Variants in NKAIN2 observed in about 807,000 individuals in gnomAD.
NKAIN2 encodes the protein sodium/potassium transporting ATPase interacting 2, also known as sodium/potassium-transporting ATPase subunit beta-1-interacting protein 2.
Under a neutral mutation model 32.6 loss-of-function variants are expected in NKAIN2, and 14 were observed. The observed-to-expected ratio is 0.43, with a 90% CI of 0.28 to 0.67. The LOEUF (loss-of-function observed/expected upper bound fraction) is 0.67. NKAIN2 is among the 30% of genes least tolerant of loss of function. The probability of loss-of-function intolerance (pLI) is 0.17; values close to 1 mark genes in which losing one functional copy is unlikely to be tolerated. For synonymous variants in NKAIN2, 80 were observed against 87.2 expected, an observed-to-expected ratio of 0.92 and a Z score of 0.46; for missense variants, 198 against 258.3, an observed-to-expected ratio of 0.77 and a Z score of 1.60.
intron 4 of NKAIN2, among the ~76,000 whole-genome samples, chr6:124,673,466 G>A (rs1773201811): frequency 6.6e-6 from 1 of 151,974 alleles, no homozygotes; most frequent in South Asian, 2.1e-4. Flanking sequence ...ACTGTATACT[G>A]TTACACCATT....
rs116609354 is a variant in NKAIN2, at chr6:124,209,648, T to C, written c.55-73357T>C. On this transcript the variant is annotated intron_variant, in intron 1 of 6. Coordinates refer to ENST00000368417, the MANE Select transcript of NKAIN2 (RefSeq NM_001040214.3). ...TGTTTGGCTTTTGGACAAAACCTAT[T>C]TTAACAATGGTAAGATGATCTCACA... 1.9e-3 allele frequency among the ~76,000 whole-genome samples: 283 copies of C among 152,022 alleles called. 3 individuals carry two copies. Among genetic ancestry groups the C allele is most frequent in the African/African-American group, 6.6e-3 (274 of 41,526 alleles).
At chr6:124,087,051 A>T (rs542759440) in intron 1 of NKAIN2, among the ~76,000 whole-genome samples, 1 of 152,074 alleles carries the variant, frequency 6.6e-6, no homozygotes, top group South Asian at 2.1e-4. Flanking sequence ...GAATCCAATA[A>T]TATATTTTAA....
intron 4 of NKAIN2, among the ~76,000 whole-genome samples, chr6:124,707,151 C>A (rs369815647): frequency 2.0e-5 from 3 of 151,960 alleles, no homozygotes; most frequent in African/African-American, 7.3e-5. Context: ...TCATCCATGT[C>A]CCTACAAAGG....
At chr6:124,303,003 C>T (rs1302747161) in intron 2 of NKAIN2, among the ~76,000 whole-genome samples, 2 of 152,158 alleles carry the variant, frequency 1.3e-5, no homozygotes, top group African/African-American at 4.8e-5. Context: ...TTTATGTAGA[C>T]ATATTTTGGC....
At chr6:124,267,180 T>G (rs1431318421) in intron 1 of NKAIN2, among the ~76,000 whole-genome samples, 1 of 152,190 alleles carries the variant, frequency 6.6e-6, no homozygotes, top group African/African-American at 2.4e-5. Flanking sequence ...CTGCTGAGAT[T>G]GTCAAGCAAG....
intron 2 of NKAIN2, among the ~76,000 whole-genome samples, chr6:124,286,819 C>G (rs751172662): frequency 3.3e-4 from 50 of 151,988 alleles, no homozygotes; most frequent in Non-Finnish European, 6.6e-4. Context: ...GTAGCTGGGA[C>G]TACAGGCGTG....
At chr6:124,618,057 A>G (rs1212494943) in intron 3 of NKAIN2, among the ~76,000 whole-genome samples, 5 of 152,250 alleles carry the variant, frequency 3.3e-5, no homozygotes, top group South Asian at 2.1e-4. Flanking sequence ...GTTTAATACA[A>G]TGCAATTTCT....
At chr6:124,687,428 T>TATGTGTATGTATGGAATATATATATTCC (rs1225238437) in intron 4 of NKAIN2, among the ~76,000 whole-genome samples, 1,749 of 8,428 alleles carry the variant, frequency 0.21, 82 homozygotes, top group African/African-American at 0.29. Context: ...ATATTCCATG[T>TATGTGTATGTATGGAATATATATATTCC]ATACCATATA....
At chr6:124,256,060 G>A (rs1793915103) in intron 1 of NKAIN2, among the ~76,000 whole-genome samples, 1 of 152,108 alleles carries the variant, frequency 6.6e-6, no homozygotes. Context: ...CTCTTACAAG[G>A]GAAATTACTC....
chr6:124,645,187 T>C (rs1784125194), intron 3 of NKAIN2, among the ~76,000 whole-genome samples: 1 of 152,220 alleles, frequency 6.6e-6, no homozygotes, highest in East Asian at 1.9e-4. Context: ...CCCAAAAACT[T>C]ATGAACATGC....
intron 4 of NKAIN2, among the ~76,000 whole-genome samples, chr6:124,705,278 G>A (rs1262003700): frequency 6.6e-6 from 1 of 152,080 alleles, no homozygotes; most frequent in East Asian, 1.9e-4. Context: ...GCAAGCTGAG[G>A]CCTGTGAAAA....
intron 1 of NKAIN2, among the ~76,000 whole-genome samples, chr6:124,011,748 C>T (rs1780340199): frequency 6.6e-6 from 1 of 152,144 alleles, no homozygotes; most frequent in Non-Finnish European, 1.5e-5. Context: ...GCCTTTGTAG[C>T]TTAGGCCTAC....
At chr6:124,655,048 C>T (rs553933403) in intron 3 of NKAIN2, among the ~76,000 whole-genome samples, 9 of 152,170 alleles carry the variant, frequency 5.9e-5, no homozygotes, top group Admixed American at 5.2e-4. Context: ...CAGCATAATT[C>T]GCTGCCAGTA....
intron 2 of NKAIN2, among the ~76,000 whole-genome samples, chr6:124,340,159 G>T (rs1267329655): frequency 2.6e-5 from 4 of 152,116 alleles, no homozygotes; most frequent in Non-Finnish European, 5.9e-5. Flanking sequence ...TTTATATTTT[G>T]ATGCCACTTC....
chr6:124,763,173 T>C lies in NKAIN2; in HGVS notation c.475-28166T>C, dbSNP rs571414626. ...ATTGGGGAGCTGTTTAGCCAAAACA[T>C]TCAAACTTTTAGTTAGACAGAAGGA... On this transcript the variant is annotated intron_variant, in intron 4 of 6. Transcript: ENST00000368417. 1.5e-4 allele frequency among the ~76,000 whole-genome samples: 23 copies of C among 152,284 alleles called. 1 individual carries two copies. Among genetic ancestry groups the C allele is most frequent in the African/African-American group, 5.5e-4 (23 of 41,572 alleles).
intron 3 of NKAIN2, among the ~76,000 whole-genome samples, chr6:124,391,801 G>A (rs1485999017): frequency 6.6e-6 from 1 of 152,096 alleles, no homozygotes; most frequent in Non-Finnish European, 1.5e-5. Flanking sequence ...AACTTCTTGT[G>A]ATCTTATGAA....
intron 3 of NKAIN2, among the ~76,000 whole-genome samples, chr6:124,631,899 G>A (rs559870165): frequency 7.9e-5 from 12 of 152,198 alleles, no homozygotes; most frequent in South Asian, 6.2e-4. Context: ...TAAAAACTCC[G>A]AAAGAGTCTG....
chr6:124,560,583 C>T (rs2114891317), intron 3 of NKAIN2, among the ~76,000 whole-genome samples: 1 of 152,322 alleles, frequency 6.6e-6, no homozygotes, highest in African/African-American at 2.4e-5. Context: ...CTGTTTCTCA[C>T]TTTCTTCATC....
At chr6:124,579,967 A>G (rs1033677742) in intron 3 of NKAIN2, among the ~76,000 whole-genome samples, 3 of 152,224 alleles carry the variant, frequency 2.0e-5, no homozygotes, top group African/African-American at 7.2e-5. Flanking sequence ...CTTTTATCCT[A>G]GAATAATATA....
Sources: gnomAD v4.1 joint callset for allele counts (sites outside exome capture counted in the v4.1 genomes callset) on GRCh38, gnomAD v4.1.1 for gene constraint, MANE v1.5 for transcripts, NCBI Gene and HGNC (gene_info 2026-07-23, HGNC 2026-07-21) for gene names.